The following NUDT5 variants were observed in gnomAD, a reference collection of about 807,000 sequenced individuals.
NUDT5 encodes the protein ADP-sugar pyrophosphatase.
NUDT5 carries 21 observed loss-of-function variants against 34.1 expected under a neutral mutation model. That is an observed-to-expected ratio of 0.62 (90% confidence interval 0.44 to 0.89). The LOEUF is 0.89. Among genes scored for constraint, NUDT5 ranks in the 40% least tolerant of loss-of-function variants. The probability of loss-of-function intolerance (pLI) is 0.00; values close to 1 mark genes in which losing one functional copy is unlikely to be tolerated. For synonymous variants in NUDT5, 85 were observed against 97.6 expected, an observed-to-expected ratio of 0.87 and a Z score of 0.76; for missense variants, 249 against 274.8, an observed-to-expected ratio of 0.91 and a Z score of 0.66.
In NUDT5 at chr10:12,175,968, G is replaced by A. The variant is rs921149374; in HGVS notation, c.289+1825C>T. 6.6e-6 allele frequency among the ~76,000 whole-genome samples: 1 copy of A among 152,146 alleles called. No homozygotes were observed. The highest frequency in any genetic ancestry group is 2.4e-5 in the African/African-American group (1 of 41,508). ...AGCCTGGCCAGGCGTGGTGGCTCAC[G>A]CCTGTAATCCCAGCACTTTGGGAGG... On this transcript the variant is annotated intron_variant, in intron 5 of 9. Coordinates refer to ENST00000491614, the MANE Select transcript of NUDT5 (RefSeq NM_014142.4). The surrounding 1 kb of genome is among the most constrained non-coding windows in gnomAD (Gnocchi z 4.8).
intron 3 of NUDT5, chr10:12,184,432 A>T: frequency 6.9e-7 from 1 of 1,457,880 alleles, no homozygotes; most frequent in Non-Finnish European, 9.3e-7. Context: ...GACACATATT[A>T]TGAAATAGGG....
chr10:12,186,499 G>A (rs951330060), intron 1 of NUDT5, among the ~76,000 whole-genome samples, 167 bp from the exon 2 acceptor site: 4 of 152,194 alleles, frequency 2.6e-5, no homozygotes, highest in Non-Finnish European at 5.9e-5. Flanking sequence ...GAACAGGGAG[G>A]CCCGGGGATT....
intron 5 of NUDT5, among the ~76,000 whole-genome samples, chr10:12,176,443 A>T (rs1834951360): frequency 6.7e-6 from 1 of 149,600 alleles, no homozygotes; most frequent in African/African-American, 2.5e-5. Context: ...ATCTCTACTA[A>T]AAATACAAAA....
chr10:12,178,590 T>C (rs1022959280), intron 4 of NUDT5, among the ~76,000 whole-genome samples: 6 of 152,232 alleles, frequency 3.9e-5, no homozygotes, highest in Non-Finnish European at 8.8e-5. Flanking sequence ...ACCAGAGTGA[T>C]TCTCAGGATT....
rs1835056900 is a variant in NUDT5 at position 12,182,377 on chromosome 10, A to C, written c.131+2512T>G. Among the ~76,000 whole-genome samples, 1 of 152,216 alleles carries C rather than the reference A, an allele frequency of 6.6e-6. No homozygotes were observed. Among genetic ancestry groups the C allele is most frequent in the African/African-American group, 2.4e-5 (1 of 41,454 alleles). The stretch of plus-strand genomic sequence containing the variant: ...ACCTGTACACGCAGGCTTTTATATC[A>C]GGTCAGAGATAACACATCCTATAAA... On this transcript the variant is annotated intron_variant, in intron 3 of 9. Coordinates refer to ENST00000491614, the MANE Select transcript of NUDT5 (RefSeq NM_014142.4). This position sits in a 1 kb window ranked among gnomAD's most constrained non-coding sequence, Gnocchi z 4.3.
intron 1 of NUDT5, among the ~76,000 whole-genome samples, chr10:12,191,315 G>A (rs1835225905): frequency 6.6e-6 from 1 of 152,004 alleles, no homozygotes; most frequent in African/African-American, 2.4e-5. Context: ...CCCGGGAGGT[G>A]GAGCTTGCAG....
intron 1 of NUDT5, among the ~76,000 whole-genome samples, chr10:12,193,772 G>A (rs77907197): frequency 0.012 from 1,899 of 151,966 alleles, 38 homozygotes; most frequent in African/African-American, 0.043. Flanking sequence ...TTCCTTCCCT[G>A]TAGTATCTAT....
In NUDT5 at chr10:12,171,691, A is replaced by AT. The variant is rs1287746079; in HGVS notation, c.488-784dup. 2.2e-5 allele frequency among the ~76,000 whole-genome samples: 1 copy of AT among 45,854 alleles called. No homozygotes were observed. Among genetic ancestry groups the AT allele is most frequent in the Non-Finnish European group, 6.1e-5 (1 of 16,462 alleles). The allele number at this position is 45,854 out of a possible 152,430, so 30.1% of individuals were successfully genotyped here. A position where few individuals can be genotyped will look rare whatever the true frequency, so the allele number is the denominator to read the frequency against. ...CAGTTCAAAAATTAAGATTTATTTT[A>AT]TTTATTTATTTATTTATTTATTTAT... On this transcript the variant is annotated intron_variant, in intron 7 of 9. Coordinates refer to ENST00000491614, the MANE Select transcript of NUDT5 (RefSeq NM_014142.4). This position sits in a 1 kb window ranked among gnomAD's most constrained non-coding sequence, Gnocchi z 4.2.
In NUDT5 at chr10:12,184,949, G is replaced by T; in HGVS notation, c.71C>A (p.Ser24Ter). 1 of 1,553,270 alleles carries T rather than the reference G, an allele frequency of 6.4e-7. No homozygotes were observed. Among genetic ancestry groups the T allele is most frequent in the Non-Finnish European group, 8.9e-7 (1 of 1,128,886 alleles). ...KQYIISEELI[S>*]EGKWVKLEKT... ...TTCAAGCTTGACCCATTTTCCTTCT[G>T]AAATTAACTAAAAGGATATCAGATA... The change falls in exon 3 of 10, where the codon TCA becomes TAA. Residue 24 changes from serine (S) to a stop codon, truncating the protein, a stop_gained. Transcript: ENST00000491614. LOFTEE classifies it high-confidence loss of function.
intron 1 of NUDT5, among the ~76,000 whole-genome samples, chr10:12,188,197 C>T (rs1355869018): frequency 6.6e-6 from 1 of 152,106 alleles, no homozygotes; most frequent in Admixed American, 6.6e-5. Flanking sequence ...TCCCAACTGT[C>T]CTAAAGGAAA....
At chr10:12,194,774 G>A (rs3758379) in intron 1 of NUDT5, among the ~76,000 whole-genome samples, 14,435 of 152,258 alleles carry the variant, frequency 0.095, 767 homozygotes, top group South Asian at 0.16. Flanking sequence ...GGTGAACCAG[G>A]AAGAATGTAC....
In NUDT5 at chr10:12,173,569, G is replaced by C; in HGVS notation, c.385+149C>G. Reference sequence around the variant, plus strand: ...CCCTTCTGGCTCCAGTTTCCTCCTGGGAGGGGAGATTCCCTTACACTTGGT... The same window carrying C: ...CCCTTCTGGCTCCAGTTTCCTCCTGCGAGGGGAGATTCCCTTACACTTGGT... On this transcript the variant is annotated intron_variant, in intron 6 of 9. Transcript: ENST00000491614. The surrounding 1 kb of genome is among the most constrained non-coding windows in gnomAD (Gnocchi z 4.7). 1 of 644,578 alleles carries C rather than the reference G, an allele frequency of 1.6e-6. No individual in the cohort carries two copies. The highest frequency in any genetic ancestry group is 2.5e-5 in the Admixed American group (1 of 39,748). The allele number at this position is 644,578 out of a possible 1,614,324, so 39.9% of individuals were successfully genotyped here.
At position 12,177,150 on chromosome 10, in the gene NUDT5, C is replaced by T. The variant is rs927627801; in HGVS notation, c.289+643G>A. Among the ~76,000 whole-genome samples the T allele has an allele frequency of 3.3e-5, 5 of 149,958 alleles. No homozygotes were observed. In the South Asian group the frequency reaches 6.3e-4, roughly 19 times the overall value. The stretch of plus-strand genomic sequence containing the variant: ...AAAAAAAAAAGCCTGGCCTACTTAT[C>T]ATTGGAAATTTCCATTAGCAGATGG... On this transcript the variant is annotated intron_variant, in intron 5 of 9. Transcript: ENST00000491614.
rs1213234969 is a variant in NUDT5 at position 12,167,754 on chromosome 10, G to A, written c.608C>T (p.Ala203Val). Residue 203 changes from alanine (A) to valine (V), a missense_variant, in exon 10 of 10, where the codon GCA becomes GTA. Transcript: ENST00000491614. ...TGGCTTTGCATTTGCATGTTTCAGT[G>A]CTAGAGCGTAGGAATAGACCCTGGC... ...VDARVYSYAL[A>V]LKHANAKPFE... 1.2e-6 allele frequency: 2 copies of A among 1,614,134 alleles called. No homozygotes were observed. Among genetic ancestry groups the A allele is most frequent in the East Asian group, 4.5e-5 (2 of 44,882 alleles).
At chr10:12,184,557 T>C in intron 3 of NUDT5, 1 of 1,516,126 alleles carries the variant, frequency 6.6e-7, no homozygotes, top group Non-Finnish European at 8.9e-7. Context: ...AAAAACAGAT[T>C]TTACTAGAAG....
intron 1 of NUDT5, 78 bp from the exon 2 acceptor site, chr10:12,186,410 T>C: frequency 1.3e-6 from 1 of 787,634 alleles, no homozygotes; most frequent in South Asian, 1.6e-5. Context: ...CTAGTCAAAG[T>C]ACTTAAACGG....
At position 12,182,624 on chromosome 10, in the gene NUDT5, G is replaced by T. The variant is rs953632734; in HGVS notation, c.131+2265C>A. 6.6e-6 allele frequency among the ~76,000 whole-genome samples: 1 copy of T among 152,156 alleles called. No individual in the cohort carries two copies. Among genetic ancestry groups the T allele is most frequent in the African/African-American group, 2.4e-5 (1 of 41,442 alleles). On this transcript the variant is annotated intron_variant, in intron 3 of 9. Transcript: ENST00000491614. This position sits in a 1 kb window ranked among gnomAD's most constrained non-coding sequence, Gnocchi z 4.3. ...AGATATTCTGAAGTGAGATTTCGTC[G>T]TATTTTCAGAAAAGTCCCCATATGA...
rs1357444573 is a variant in NUDT5 at position 12,170,964 on chromosome 10, A to G, written c.488-56T>C. Reference sequence around the variant, plus strand: ...CAAGGCCTGGAGTGGTAACATCGGAAGACTTTTATACAAGAGGCGTCAAAA... The same window carrying G: ...CAAGGCCTGGAGTGGTAACATCGGAGGACTTTTATACAAGAGGCGTCAAAA... On this transcript the variant is annotated intron_variant, in intron 7 of 9. Coordinates refer to ENST00000491614, the MANE Select transcript of NUDT5 (RefSeq NM_014142.4). This position sits in a 1 kb window ranked among gnomAD's most constrained non-coding sequence, Gnocchi z 4.9. 3.1e-6 allele frequency: 5 copies of G among 1,593,858 alleles called. No homozygotes were observed. The East Asian group carries it at 1.1e-4, about 36-fold the overall frequency.
At chr10:12,176,988 GAC>G (rs1332631376) in intron 5 of NUDT5, among the ~76,000 whole-genome samples, 4 of 151,954 alleles carry the variant, frequency 2.6e-5, no homozygotes, top group African/African-American at 9.7e-5. Flanking sequence ...CACGTGTGGT[GAC>G]ACACGCCTGT....
Sources: allele counts gnomAD v4.1 joint callset (sites outside exome capture counted in the v4.1 genomes callset), GRCh38; gene constraint gnomAD v4.1.1; non-coding constraint Gnocchi (gnomAD v3.1); transcripts MANE v1.5; gene names NCBI Gene and HGNC (gene_info 2026-07-23, HGNC 2026-07-21).